The following CENPW variants were observed in gnomAD, a reference collection of about 807,000 sequenced individuals.
The protein encoded by CENPW is cancer-up-regulated gene 2 protein.
CENPW carries 3 observed loss-of-function variants against 11.1 expected under a neutral mutation model. That is an observed-to-expected ratio of 0.27 (90% CI 0.12 to 0.70). The LOEUF (loss-of-function observed/expected upper bound fraction) is 0.70, where lower values mean the gene tolerates loss of function less well. Among genes scored for constraint, CENPW ranks in the 30% least tolerant of loss-of-function variants. The pLI, the probability that CENPW is intolerant of heterozygous loss-of-function variation, is 0.77. For missense variants in CENPW, 100 were observed against 105.6 expected, an observed-to-expected ratio of 0.95 and a Z score of 0.23; for synonymous variants, 38 against 42.0, an observed-to-expected ratio of 0.91 and a Z score of 0.37.
At chr6:126,461,004 G>A in the CENPW span, among the ~76,000 whole-genome samples, 1 of 151,870 alleles carries the variant, frequency 6.6e-6, no homozygotes. Context: ...CTGGCAGATA[G>A]AAGATGTTGA....
the CENPW span, among the ~76,000 whole-genome samples, chr6:126,411,988 T>G: frequency 7.1e-5 from 1 of 14,164 alleles, no homozygotes. Flanking sequence ...CTTCCTTCCT[T>G]CCCCCACTCC....
At chr6:126,456,044 T>G in the CENPW span, among the ~76,000 whole-genome samples, 1 of 151,100 alleles carries the variant, frequency 6.6e-6, no homozygotes, top group Non-Finnish European at 1.5e-5. Context: ...ACAAAACTCT[T>G]CTCAAAGAAA....
the CENPW span, among the ~76,000 whole-genome samples, chr6:126,412,868 G>T: frequency 6.6e-6 from 1 of 152,032 alleles, no homozygotes; most frequent in East Asian, 1.9e-4. Flanking sequence ...TTTTCTTTCA[G>T]CTATTGTATT....
chr6:126,382,309 A>G, the CENPW span, among the ~76,000 whole-genome samples: 1 of 152,108 alleles, frequency 6.6e-6, no homozygotes, highest in Non-Finnish European at 1.5e-5. Context: ...CAGCAGCTGC[A>G]AAGAGTGAAG....
chr6:126,428,095 A>C, the CENPW span, among the ~76,000 whole-genome samples: 1 of 152,198 alleles, frequency 6.6e-6, no homozygotes, highest in African/African-American at 2.4e-5. Context: ...ATTTTTCAGG[A>C]AAATCATGTT....
chr6:126,457,784 G>A, the CENPW span, among the ~76,000 whole-genome samples: 7 of 151,270 alleles, frequency 4.6e-5, no homozygotes, highest in African/African-American at 1.7e-4. Flanking sequence ...CAGGGCATTG[G>A]TAGGAACACA....
At chr6:126,436,810 C>T in the CENPW span, among the ~76,000 whole-genome samples, 1 of 151,674 alleles carries the variant, frequency 6.6e-6, no homozygotes, top group African/African-American at 2.4e-5. Context: ...AAAAATAGAA[C>T]TTACAGATAT....
the CENPW span, among the ~76,000 whole-genome samples, chr6:126,426,969 T>C: frequency 1.3e-5 from 2 of 152,192 alleles, no homozygotes; most frequent in South Asian, 2.1e-4. Context: ...ATAATCCTTA[T>C]ATAATTTGTC....
At chr6:126,422,076 T>C in the CENPW span, among the ~76,000 whole-genome samples, 1 of 152,118 alleles carries the variant, frequency 6.6e-6, no homozygotes, top group African/African-American at 2.4e-5. Context: ...TGAGAACCAG[T>C]GTTAGCTTTA....
chr6:126,363,368 T>G, the CENPW span, among the ~76,000 whole-genome samples: 1 of 152,242 alleles, frequency 6.6e-6, no homozygotes, highest in Non-Finnish European at 1.5e-5. Flanking sequence ...AAATTTAATT[T>G]CTGCCTTCTT....
chr6:126,406,729 G>A, the CENPW span, among the ~76,000 whole-genome samples: 1 of 152,000 alleles, frequency 6.6e-6, no homozygotes, highest in Admixed American at 6.6e-5. Flanking sequence ...GTGGGCACCT[G>A]TAATCCCAGC....
At chr6:126,350,954 A>G (rs181116472), downstream of CENPW, among the ~76,000 whole-genome samples, 11 of 152,254 alleles carry the variant, frequency 7.2e-5, no homozygotes, top group Non-Finnish European at 1.5e-4. Flanking sequence ...AATGTAATTA[A>G]TATCAAAATG....
At chr6:126,358,593 G>C in the CENPW span, among the ~76,000 whole-genome samples, 1 of 152,162 alleles carries the variant, frequency 6.6e-6, no homozygotes, top group African/African-American at 2.4e-5. Flanking sequence ...TTGATGTGCT[G>C]CTGGATTTGG....
chr6:126,409,041 A>G, the CENPW span, among the ~76,000 whole-genome samples: 6 of 151,980 alleles, frequency 3.9e-5, no homozygotes, highest in Admixed American at 6.6e-5. Flanking sequence ...TGCATCATTC[A>G]GTCGTTTACT....
chr6:126,355,387 C>G, the CENPW span, among the ~76,000 whole-genome samples: 3 of 152,096 alleles, frequency 2.0e-5, no homozygotes, highest in African/African-American at 7.2e-5. Flanking sequence ...GAAACTTGTG[C>G]TGTGTTCAGG....
chr6:126,384,915 A>G, the CENPW span, among the ~76,000 whole-genome samples: 1 of 152,106 alleles, frequency 6.6e-6, no homozygotes, highest in Non-Finnish European at 1.5e-5. Flanking sequence ...TAAATTTACA[A>G]GAAAAAACAA....
the CENPW span, among the ~76,000 whole-genome samples, chr6:126,418,458 C>A: frequency 6.6e-6 from 1 of 151,934 alleles, no homozygotes; most frequent in African/African-American, 2.4e-5. Flanking sequence ...ACTACGAAGA[C>A]AATAATAAGA....
At chr6:126,340,550 C>A in intron 1 of CENPW, 151 bp downstream of exon 1, 1 of 1,074,790 alleles carries the variant, frequency 9.3e-7, no homozygotes, top group East Asian at 2.5e-5. Flanking sequence ...AACGTATGCC[C>A]CACCCTGGCA....
At chr6:126,380,808 CTTTG>C in the CENPW span, among the ~76,000 whole-genome samples, 30 of 152,266 alleles carry the variant, frequency 2.0e-4, 1 homozygote, top group East Asian at 9.6e-4. Context: ...ATTTTTAAAA[CTTTG>C]TTTATTTTTT....
Sources: allele counts gnomAD v4.1 joint callset (sites outside exome capture counted in the v4.1 genomes callset), GRCh38; gene constraint gnomAD v4.1.1; transcripts MANE v1.5; gene names NCBI Gene and HGNC (gene_info 2026-07-23, HGNC 2026-07-21).